ANKRD30B: variants seen among roughly 807,000 people sequenced by gnomAD.
ANKRD30B encodes ankyrin repeat domain-containing protein 30B.
ANKRD30B carries 144 observed loss-of-function variants against 202.2 expected under a neutral mutation model. The ratio of observed to expected loss-of-function variants is 0.71; its 90% CI spans 0.62 to 0.82. The LOEUF (loss-of-function observed/expected upper bound fraction) is 0.82, where lower values mean the gene tolerates loss of function less well. Among genes scored for constraint, ANKRD30B ranks in the 40% least tolerant of loss-of-function variants. The probability of loss-of-function intolerance (pLI) is 0.00; values close to 1 mark genes in which losing one functional copy is unlikely to be tolerated. For missense variants in ANKRD30B, 1,487 were observed against 1,669.1 expected (o/e 0.89, Z 1.90); for synonymous variants, 508 against 561.3 (o/e 0.91, Z 1.34).
In ANKRD30B at chr18:14,784,548, A is replaced by T. The variant is rs749244626; in HGVS notation, c.1672+13A>T. 1 of 1,607,770 alleles carries T rather than the reference A, an allele frequency of 6.2e-7. No individual in the cohort carries two copies. Among genetic ancestry groups the T allele is most frequent in the Non-Finnish European group, 8.5e-7 (1 of 1,174,756 alleles). On this transcript the variant is annotated intron_variant, in intron 14 of 43. Transcript: ENST00000690538. The stretch of plus-strand genomic sequence containing the variant: ...ACATTGAGAGCAGGTAAATTTTTCA[A>T]TTTAACTATGCAAAGATGAATAGTT...
the ANKRD30B span, among the ~76,000 whole-genome samples, chr18:14,921,624 C>CA: frequency 6.6e-6 from 1 of 152,034 alleles, no homozygotes; most frequent in Non-Finnish European, 1.5e-5. Context: ...CTAGACAAAG[C>CA]AAAAATGAAC....
In ANKRD30B at chr18:14,815,802, A is replaced by G. The variant is rs560060660; in HGVS notation, c.2641+1091A>G. 4.6e-5 allele frequency among the ~76,000 whole-genome samples: 7 copies of G among 152,306 alleles called. No homozygotes were observed. In the South Asian group the frequency reaches 1.5e-3, roughly 32 times the overall value. ...AATATGTCAATATTGAAAGCTTATT[A>G]TATTTGCTATTCCTGATGAGTTTTG... On this transcript the variant is annotated intron_variant, in intron 30 of 43. Transcript: ENST00000690538.
chr18:14,784,013 T>C lies in ANKRD30B; in HGVS notation c.1571-323T>C, dbSNP rs188928962. On this transcript the variant is annotated intron_variant, in intron 12 of 43. Coordinates refer to ENST00000690538, the MANE Select transcript of ANKRD30B (RefSeq NM_001367607.2). ...ATGAATAGAATAATATAAATGATTT[T>C]AATGTGTTTCATTAAGTATATGGTG... 1.9e-3 allele frequency among the ~76,000 whole-genome samples: 292 copies of C among 152,282 alleles called. 7 individuals are homozygous for C. The highest frequency in any genetic ancestry group is 4.7e-4 in the Non-Finnish European group (32 of 67,972).
the ANKRD30B span, among the ~76,000 whole-genome samples, chr18:14,939,397 G>A: frequency 2.0e-4 from 30 of 152,276 alleles, no homozygotes; most frequent in African/African-American, 6.7e-4. Flanking sequence ...CACACCCAAG[G>A]TCCCTGTCCC....
At chr18:14,854,880 C>CACAT (rs1972033702), downstream of ANKRD30B, among the ~76,000 whole-genome samples, 1 of 149,734 alleles carries the variant, frequency 6.7e-6, no homozygotes, top group Non-Finnish European at 1.5e-5. Context: ...CACACACACA[C>CACAT]GCTCTACCCT....
the ANKRD30B span, among the ~76,000 whole-genome samples, chr18:14,860,825 C>A: frequency 3.7e-4 from 56 of 152,140 alleles, no homozygotes; most frequent in African/African-American, 1.2e-3. Flanking sequence ...CTGCCTCAGC[C>A]TCACCAGTAG....
chr18:14,885,418 A>G, the ANKRD30B span, among the ~76,000 whole-genome samples: 2 of 152,068 alleles, frequency 1.3e-5, no homozygotes, highest in Non-Finnish European at 2.9e-5. Context: ...ATATTAATGC[A>G]ACCACTAATA....
intron 32 of ANKRD30B, chr18:14,825,192 T>C (rs1487397971): frequency 1.3e-5 from 2 of 152,164 alleles, no homozygotes; most frequent in African/African-American, 4.8e-5. Context: ...ATTTGAGGGT[T>C]CCATCACGAT....
chr18:14,919,254 A>G, the ANKRD30B span, among the ~76,000 whole-genome samples: 1 of 152,234 alleles, frequency 6.6e-6, no homozygotes, highest in Admixed American at 6.5e-5. Flanking sequence ...CACACATTGT[A>G]AAATGTCAGC....
chr18:14,788,375 T>C (rs1375915051), intron 15 of ANKRD30B, among the ~76,000 whole-genome samples: 1 of 152,212 alleles, frequency 6.6e-6, no homozygotes, highest in Admixed American at 6.5e-5. Context: ...GAGAGAGTTA[T>C]GTGAGGTTTT....
chr18:14,912,687 G>T, the ANKRD30B span, among the ~76,000 whole-genome samples: 2 of 152,302 alleles, frequency 1.3e-5, no homozygotes, highest in East Asian at 3.9e-4. Context: ...ATTTCAGAAA[G>T]ATTGGTATTA....
At chr18:14,767,073 G>A (rs1213087609) in intron 7 of ANKRD30B, among the ~76,000 whole-genome samples, 3 of 152,278 alleles carry the variant, frequency 2.0e-5, no homozygotes, top group East Asian at 3.9e-4. Context: ...CATACCCAGG[G>A]TCTGGAAAAT....
chr18:14,766,583 A>G (rs1416231590), intron 7 of ANKRD30B, among the ~76,000 whole-genome samples: 5 of 151,906 alleles, frequency 3.3e-5, no homozygotes, highest in Non-Finnish European at 7.4e-5. Context: ...TTCTTTACAT[A>G]TTGAGTTCAA....
chr18:14,796,492 C>T, intron 18 of ANKRD30B, 77 bp downstream of exon 18: 1 of 1,427,884 alleles, frequency 7.0e-7, no homozygotes, highest in Admixed American at 2.7e-5. Flanking sequence ...CTTTTATTCC[C>T]AATGTTGTTT....
chr18:14,829,270 T>C (rs1334596682), intron 33 of ANKRD30B, among the ~76,000 whole-genome samples: 1 of 152,144 alleles, frequency 6.6e-6, no homozygotes, highest in Non-Finnish European at 1.5e-5. Context: ...CCTGGAAAAA[T>C]TGTTGTTCAC....
At chr18:14,870,852 T>C in the ANKRD30B span, among the ~76,000 whole-genome samples, 1 of 152,082 alleles carries the variant, frequency 6.6e-6, no homozygotes, top group East Asian at 1.9e-4. Context: ...TAGCTGTGCC[T>C]GACACAGCCC....
the ANKRD30B span, among the ~76,000 whole-genome samples, chr18:14,869,767 T>C: frequency 8.6e-5 from 13 of 151,952 alleles, no homozygotes; most frequent in African/African-American, 3.1e-4. Context: ...AAATGCTTTG[T>C]GCATTAGTAT....
At chr18:14,751,242 A>G (rs1913398781) in intron 1 of ANKRD30B, among the ~76,000 whole-genome samples, 1 of 152,062 alleles carries the variant, frequency 6.6e-6, no homozygotes. Context: ...GAAAAATAAA[A>G]TGACAAATAT....
intron 9 of ANKRD30B, among the ~76,000 whole-genome samples, chr18:14,777,449 C>A (rs151004515): frequency 3.3e-5 from 5 of 151,720 alleles, no homozygotes; most frequent in Non-Finnish European, 5.9e-5. Context: ...AGGCACCCAC[C>A]ACCACGCCAG....
Sources: allele counts gnomAD v4.1 joint callset (sites outside exome capture counted in the v4.1 genomes callset), GRCh38; gene constraint gnomAD v4.1.1; transcripts MANE v1.5; gene names NCBI Gene and HGNC (gene_info 2026-07-23, HGNC 2026-07-21).